Variants in QKI observed in about 807,000 individuals in gnomAD.
The protein encoded by QKI is KH domain-containing RNA-binding protein QKI.
In QKI, 10 loss-of-function variants were observed where a neutral mutation model predicts 39.0. The observed-to-expected ratio is 0.26, with a 90% CI of 0.16 to 0.43. The LOEUF is 0.43. Among genes scored for constraint, QKI ranks in the 20% least tolerant of loss-of-function variants. QKI has a pLI of 1.00. For missense variants in QKI, 218 were observed against 428.0 expected (o/e 0.51, Z 4.33); for synonymous variants, 204 against 155.4 (o/e 1.31, Z -2.33).
At chr6:163,532,717 C>T (rs1243813528) in intron 3 of QKI, among the ~76,000 whole-genome samples, 1 of 152,194 alleles carries the variant, frequency 6.6e-6, no homozygotes, top group Non-Finnish European at 1.5e-5. Flanking sequence ...GTGGTTCCTT[C>T]CCTGGCCTCT....
chr6:163,566,531 T>G, intron 6 of QKI, 190 bp from the exon 7 acceptor site: 1 of 1,422,750 alleles, frequency 7.0e-7, no homozygotes, highest in Non-Finnish European at 9.2e-7. Context: ...TTGAAATGAA[T>G]GCAATATTAA....
At chr6:163,505,055 C>T (rs1428330212) in intron 3 of QKI, among the ~76,000 whole-genome samples, 2 of 152,206 alleles carry the variant, frequency 1.3e-5, no homozygotes, top group Non-Finnish European at 2.9e-5. Context: ...GCCTGAGGTA[C>T]AGCTTGGGCT....
At chr6:163,538,052 A>G (rs904371668) in intron 4 of QKI, among the ~76,000 whole-genome samples, 2 of 152,184 alleles carry the variant, frequency 1.3e-5, no homozygotes, top group Non-Finnish European at 2.9e-5. Flanking sequence ...TCATCCTGCC[A>G]CAGATTGAGT....
At position 163,415,182 on chromosome 6, in the gene QKI, G is replaced by A. The variant is rs1222315334; in HGVS notation, c.-12G>A. On this transcript the variant is annotated 5_prime_UTR_variant, in exon 1 of 8. Coordinates refer to ENST00000361752, the MANE Select transcript of QKI (RefSeq NM_006775.3). ...GGCGGCGGCGGGCGGAGTGAGCTGC[G>A]GAGCCTGGAATATGGTCGGGGAAAT... 3 of 1,535,580 alleles carry A rather than the reference G, an allele frequency of 2.0e-6. No individual in the cohort carries two copies. The highest frequency in any genetic ancestry group is 1.8e-6 in the Non-Finnish European group (2 of 1,134,270).
intron 3 of QKI, among the ~76,000 whole-genome samples, chr6:163,525,616 C>G (rs898839809): frequency 2.6e-5 from 4 of 152,170 alleles, no homozygotes; most frequent in Non-Finnish European, 5.9e-5. Context: ...CTCCCCGCCT[C>G]GGCCACCCAA....
chr6:163,526,322 A>G (rs1330346582), intron 3 of QKI, among the ~76,000 whole-genome samples: 1 of 152,230 alleles, frequency 6.6e-6, no homozygotes, highest in East Asian at 1.9e-4. Flanking sequence ...TCAATTGAGT[A>G]TTTTAAAACA....
intron 4 of QKI, among the ~76,000 whole-genome samples, chr6:163,547,549 C>T (rs9458854): frequency 0.096 from 14,604 of 152,200 alleles, 1,471 homozygotes; most frequent in African/African-American, 0.26. Context: ...CACCTCCATG[C>T]GGGTGCCACA....
intron 3 of QKI, among the ~76,000 whole-genome samples, chr6:163,521,518 A>G (rs1780155236): frequency 6.6e-6 from 1 of 152,138 alleles, no homozygotes; most frequent in Non-Finnish European, 1.5e-5. Context: ...AATTTGGGGC[A>G]GGCAGTTAGA....
intron 1 of QKI, among the ~76,000 whole-genome samples, chr6:163,420,551 A>G (rs868507789): frequency 2.0e-5 from 3 of 152,094 alleles, no homozygotes; most frequent in Non-Finnish European, 4.4e-5. Flanking sequence ...GGTCACACAG[A>G]TATATACCAG....
chr6:163,447,148 G>C (rs931830970), intron 1 of QKI, among the ~76,000 whole-genome samples: 1 of 151,760 alleles, frequency 6.6e-6, no homozygotes, highest in Middle Eastern at 3.2e-3. Context: ...AGTAAAGCTG[G>C]TTAGACTAGC....
rs544580961 is a variant in QKI at position 163,479,768 on chromosome 6, TG to T, written c.402+874del. ...ATTTACTTTTGGGAAGCTGCCAGTTTGGAAATTAGTCAGACTGTAATGTGTG... is the reference window on the plus strand; with the variant it reads ...ATTTACTTTTGGGAAGCTGCCAGTTTGAAATTAGTCAGACTGTAATGTGTG... On this transcript the variant is annotated intron_variant, in intron 3 of 7. Transcript: ENST00000361752. 3.3e-5 allele frequency among the ~76,000 whole-genome samples: 5 copies of T among 152,376 alleles called. No individual in the cohort carries two copies. The South Asian group carries it at 1.0e-3, about 32-fold the overall frequency.
At position 163,576,119 on chromosome 6, in the gene QKI, A is replaced by G. The variant is rs1383826395; in HGVS notation, c.*5409A>G. ...TACCTTTATTTAAAATGGAAAAAAT[A>G]TGGACAATATTTTAGAAATATGTGC... On this transcript the variant is annotated 3_prime_UTR_variant, in exon 8 of 8. Transcript: ENST00000361752. 6.6e-6 allele frequency: 1 copy of G among 152,226 alleles called. No individual in the cohort carries two copies. The allele number at this position is 152,226 out of a possible 1,614,324, so 9.4% of individuals were successfully genotyped here.
chr6:163,493,056 A>G (rs370462508), intron 3 of QKI, among the ~76,000 whole-genome samples: 3 of 152,000 alleles, frequency 2.0e-5, no homozygotes, highest in Admixed American at 6.6e-5. Context: ...GTGTTAATAC[A>G]TATTTTGAGA....
chr6:163,455,160 C>A, intron 1 of QKI, 119 bp from the exon 2 acceptor site: 1 of 685,512 alleles, frequency 1.5e-6, no homozygotes, highest in East Asian at 2.9e-5. Context: ...AGGCCAGGAG[C>A]TCCTTATTTG....
chr6:163,541,439 T>A (rs1257930539), intron 4 of QKI, among the ~76,000 whole-genome samples: 1 of 151,880 alleles, frequency 6.6e-6, no homozygotes, highest in East Asian at 1.9e-4. Flanking sequence ...GCGTGTATAT[T>A]CTGTATTGTT....
chr6:163,511,863 AT>A, intron 3 of QKI, among the ~76,000 whole-genome samples: 1 of 152,208 alleles, frequency 6.6e-6, no homozygotes, highest in Non-Finnish European at 1.5e-5. Context: ...GGTAACTACC[AT>A]TGTTACTGTG....
intron 4 of QKI, among the ~76,000 whole-genome samples, chr6:163,550,494 A>G (rs1275652255): frequency 6.6e-6 from 1 of 152,092 alleles, no homozygotes; most frequent in African/African-American, 2.4e-5. Flanking sequence ...ATTTGGGGGG[A>G]AGCTATGTGG....
intron 6 of QKI, chr6:163,564,837 A>G (rs919535428): frequency 6.1e-5 from 95 of 1,551,614 alleles, no homozygotes; most frequent in Non-Finnish European, 7.2e-5. Context: ...CCTGAATTGT[A>G]TATGACCTTG....
At chr6:163,448,628 C>T (rs1359377502) in intron 1 of QKI, among the ~76,000 whole-genome samples, 2 of 151,844 alleles carry the variant, frequency 1.3e-5, no homozygotes, top group South Asian at 2.1e-4. Flanking sequence ...CCCAGCTACT[C>T]GGGGAGGCCG....
Sources: gnomAD v4.1 joint callset for allele counts (sites outside exome capture counted in the v4.1 genomes callset) on GRCh38, gnomAD v4.1.1 for gene constraint, MANE v1.5 for transcripts, NCBI Gene and HGNC (gene_info 2026-07-23, HGNC 2026-07-21) for gene names.